The following MCOLN2 variants were observed in gnomAD, a reference collection of about 807,000 sequenced individuals.
MCOLN2 encodes the protein mucolipin-2.
MCOLN2 carries 57 observed loss-of-function variants against 67.5 expected under a neutral mutation model. That is an observed-to-expected ratio of 0.84 (90% CI 0.68 to 1.05). The LOEUF is 1.05. MCOLN2 is among the 50% of genes least tolerant of loss of function. MCOLN2 has a pLI of 0.00. For synonymous variants in MCOLN2, 246 were observed against 233.3 expected, an observed-to-expected ratio of 1.05 and a Z score of -0.50; for missense variants, 620 against 678.8, an observed-to-expected ratio of 0.91 and a Z score of 0.96.
At chr1:84,934,964 T>C (rs981773544) in intron 11 of MCOLN2, among the ~76,000 whole-genome samples, 17 of 152,232 alleles carry the variant, frequency 1.1e-4, no homozygotes, top group Non-Finnish European at 1.8e-4. Flanking sequence ...ACGGTTTTCC[T>C]AATGTCTCCT....
chr1:84,987,599 TAG>T (rs1243402223), intron 1 of MCOLN2, among the ~76,000 whole-genome samples: 52 of 120,064 alleles, frequency 4.3e-4, no homozygotes, highest in African/African-American at 5.4e-4. Context: ...CATATGTATA[TAG>T]ATGTATATCA....
chr1:84,960,742 C>T (rs969090790), intron 2 of MCOLN2, among the ~76,000 whole-genome samples: 1 of 152,138 alleles, frequency 6.6e-6, no homozygotes, highest in African/African-American at 2.4e-5. Context: ...ACCAGGGAAG[C>T]AACACATACA....
chr1:84,944,254 G>C (rs1231598930), intron 7 of MCOLN2, among the ~76,000 whole-genome samples: 1 of 152,120 alleles, frequency 6.6e-6, no homozygotes, highest in Non-Finnish European at 1.5e-5. Flanking sequence ...GAACATCTTG[G>C]CCAGGCGCGG....
intron 13 of MCOLN2, among the ~76,000 whole-genome samples, 185 bp from the exon 14 acceptor site, chr1:84,926,906 G>A (rs1315389761): frequency 2.0e-5 from 3 of 152,080 alleles, no homozygotes; most frequent in East Asian, 3.9e-4. Flanking sequence ...GAAAAAATAA[G>A]TAAATAAATA....
At position 84,938,035 on chromosome 1, in the gene MCOLN2, C is replaced by T. The variant is rs186524551; in HGVS notation, c.1158G>A (p.Thr386=). ...TGATGACTCCAACCCAAACCAAGAG[C>T]GTAGAGGTTCCAAGAAAAATGCTGC... is the stretch of plus-strand genomic sequence containing the variant. ...DLCSIFLGTS[T]LLVWVGVIRY... is the part of the protein sequence containing the mutation. Residue 386 remains threonine (T), a synonymous_variant, in exon 10 of 14, where the codon ACG becomes ACA. Transcript: ENST00000370608. The T allele has an allele frequency of 1.5e-5, 25 of 1,613,670 alleles. No homozygotes were observed. The highest frequency in any genetic ancestry group is 1.6e-4 in the Middle Eastern group (1 of 6,062).
chr1:84,965,063 TA>T (rs2102857526), intron 2 of MCOLN2, among the ~76,000 whole-genome samples: 1 of 152,266 alleles, frequency 6.6e-6, no homozygotes, highest in Non-Finnish European at 1.5e-5. Context: ...ATCATGGTAA[TA>T]AAGAGCTCAA....
chr1:84,977,448 C>T (rs1650048689), intron 1 of MCOLN2, among the ~76,000 whole-genome samples: 1 of 132,070 alleles, frequency 7.6e-6, no homozygotes. Flanking sequence ...CATAGACTGG[C>T]TAAATGGATG....
chr1:84,993,380 T>G (rs564656716), intron 1 of MCOLN2, among the ~76,000 whole-genome samples: 29 of 152,352 alleles, frequency 1.9e-4, no homozygotes, highest in African/African-American at 6.5e-4. Context: ...TTCACTGACC[T>G]AATACTTCCT....
chr1:84,933,684 T>C (rs1338987239), intron 11 of MCOLN2, among the ~76,000 whole-genome samples: 1 of 152,326 alleles, frequency 6.6e-6, no homozygotes, highest in East Asian at 1.9e-4. Context: ...AGTCAACTCC[T>C]TTCTCTAGTT....
rs116159537 is a variant in MCOLN2, at chr1:84,958,830, C to T, written c.238-128G>A. ...TAATATCAATTTTTTTTGGTTTATA[C>T]TAATAGCATCAATGTCAAAATACAA... is the stretch of plus-strand genomic sequence containing the variant. On this transcript the variant is annotated intron_variant, in intron 2 of 13. Coordinates refer to ENST00000370608, the MANE Select transcript of MCOLN2 (RefSeq NM_153259.4). 2,260 of 606,060 alleles carry T rather than the reference C, an allele frequency of 3.7e-3. 33 individuals carry two copies. The African/African-American group carries it at 0.038, about 10-fold the overall frequency. 37.5% of individuals were successfully genotyped at this position (606,060 alleles called of 1,614,324 possible).
chr1:84,967,275 T>C (rs1020110192), intron 1 of MCOLN2, among the ~76,000 whole-genome samples: 45 of 152,204 alleles, frequency 3.0e-4, no homozygotes, highest in African/African-American at 1.1e-3. Flanking sequence ...GTCTTTCCAT[T>C]TGAGTCAACA....
intron 1 of MCOLN2, among the ~76,000 whole-genome samples, chr1:84,974,632 C>T (rs988650990): frequency 1.3e-5 from 2 of 152,032 alleles, no homozygotes; most frequent in African/African-American, 2.4e-5. Flanking sequence ...TAATCAGCAG[C>T]GATACCCAGG....
At chr1:84,967,133 C>T (rs1057279298) in intron 1 of MCOLN2, among the ~76,000 whole-genome samples, 4 of 152,220 alleles carry the variant, frequency 2.6e-5, no homozygotes, top group African/African-American at 7.2e-5. Context: ...ACTGTGAGTC[C>T]GGAGTTCCTA....
intron 13 of MCOLN2, among the ~76,000 whole-genome samples, chr1:84,928,401 G>T (rs925061972): frequency 3.3e-5 from 5 of 152,018 alleles, no homozygotes; most frequent in African/African-American, 1.2e-4. Flanking sequence ...TGGGGTCCAC[G>T]CCTTAAATCT....
intron 11 of MCOLN2, among the ~76,000 whole-genome samples, chr1:84,936,955 G>A (rs575819625): frequency 2.0e-5 from 3 of 152,200 alleles, no homozygotes; most frequent in Non-Finnish European, 2.9e-5. Context: ...AAAGAACACC[G>A]AAATGCCCAG....
Position 84,939,556 on chromosome 1 carries a change from T to G in MCOLN2, c.1107A>C (p.Ala369=), listed in dbSNP as rs769214652. Residue 369 remains alanine (A), a synonymous_variant, in exon 9 of 14, where the codon GCA becomes GCC. Coordinates refer to ENST00000370608, the MANE Select transcript of MCOLN2 (RefSeq NM_153259.4). ...IGSILKMEIK[A]KNLTNYDLCS... ...ACTTTAAATGGGCTTCCCTCACCTTTGCTTTGATTTCCATTTTTAATATGG... is the reference window on the plus strand; with the variant it reads ...ACTTTAAATGGGCTTCCCTCACCTTGGCTTTGATTTCCATTTTTAATATGG... The G allele has an allele frequency of 6.2e-7, 1 of 1,613,926 alleles. No individual in the cohort carries two copies. Among genetic ancestry groups the G allele is most frequent in the Admixed American group, 1.7e-5 (1 of 59,954 alleles).
chr1:84,954,879 C>T (rs1648695887), intron 4 of MCOLN2, among the ~76,000 whole-genome samples: 2 of 152,180 alleles, frequency 1.3e-5, no homozygotes, highest in Non-Finnish European at 2.9e-5. Flanking sequence ...AAAATATATA[C>T]AAGGTAATTT....
intron 13 of MCOLN2, 88 bp from the exon 14 acceptor site, chr1:84,926,809 C>A: frequency 1.1e-6 from 1 of 951,560 alleles, no homozygotes; most frequent in South Asian, 2.3e-5. Context: ...TATTCTAGGC[C>A]CGTAGATTAT....
intron 11 of MCOLN2, among the ~76,000 whole-genome samples, chr1:84,932,146 A>G (rs1361887474): frequency 6.6e-6 from 1 of 152,042 alleles, no homozygotes; most frequent in East Asian, 1.9e-4. Flanking sequence ...TAACAAGTTT[A>G]GATCCTGGTT....
Sources: gnomAD v4.1 joint callset for allele counts (sites outside exome capture counted in the v4.1 genomes callset) on GRCh38, gnomAD v4.1.1 for gene constraint, MANE v1.5 for transcripts, NCBI Gene and HGNC (gene_info 2026-07-23, HGNC 2026-07-21) for gene names.